The following MYO6 variants were observed in gnomAD, a reference collection of about 807,000 sequenced individuals.
MYO6 encodes the protein myosin VI.
MYO6 carries 74 observed loss-of-function variants against 178.7 expected under a neutral mutation model. The ratio of observed to expected loss-of-function variants is 0.41; its 90% CI spans 0.34 to 0.50. MYO6 has a LOEUF of 0.50. Ranked by LOEUF, MYO6 falls within the 20% of genes least tolerant of loss-of-function variation. The probability of loss-of-function intolerance (pLI) is 0.09; values close to 1 mark genes in which losing one functional copy is unlikely to be tolerated. For synonymous variants in MYO6, 477 were observed against 504.6 expected, an observed-to-expected ratio of 0.95 and a Z score of 0.73; for missense variants, 1,330 against 1,547.4, an observed-to-expected ratio of 0.86 and a Z score of 2.36.
intron 6 of MYO6, among the ~76,000 whole-genome samples, chr6:75,834,184 ACT>A (rs969708502): frequency 6.7e-5 from 10 of 148,800 alleles, no homozygotes; most frequent in African/African-American, 2.5e-4. Context: ...ATTAAATTAA[ACT>A]CTCTGCATTG....
At chr6:75,839,603 T>C (rs759529801) in intron 7 of MYO6, among the ~76,000 whole-genome samples, 1 of 152,168 alleles carries the variant, frequency 6.6e-6, no homozygotes, top group Non-Finnish European at 1.5e-5. Context: ...AACACTAATT[T>C]GGTATGTTTG....
chr6:75,762,843 T>C (rs892631288), intron 1 of MYO6, among the ~76,000 whole-genome samples: 7 of 152,208 alleles, frequency 4.6e-5, no homozygotes, highest in African/African-American at 1.7e-4. Context: ...CTTAAGCAAA[T>C]GTATTCCTGT....
At chr6:75,905,379 C>T (rs960641686) in intron 30 of MYO6, among the ~76,000 whole-genome samples, 12 of 152,338 alleles carry the variant, frequency 7.9e-5, no homozygotes, top group African/African-American at 2.6e-4. Context: ...ACTCCGTGGG[C>T]GTAGGACCCT....
chr6:75,799,402 A>C (rs1443070301), intron 1 of MYO6, among the ~76,000 whole-genome samples: 1 of 152,146 alleles, frequency 6.6e-6, no homozygotes, highest in Non-Finnish European at 1.5e-5. Context: ...AAAAAAAAAA[A>C]AAAAGTATTT....
At chr6:75,781,962 G>A (rs1767031486) in intron 1 of MYO6, among the ~76,000 whole-genome samples, 1 of 150,494 alleles carries the variant, frequency 6.6e-6, no homozygotes, top group Non-Finnish European at 1.5e-5. Flanking sequence ...AATGGGGGGA[G>A]TGGCGTGTCA....
At chr6:75,799,847 C>A (rs1769262131) in intron 1 of MYO6, among the ~76,000 whole-genome samples, 1 of 152,148 alleles carries the variant, frequency 6.6e-6, no homozygotes, top group Non-Finnish European at 1.5e-5. Flanking sequence ...CACTGCTTCT[C>A]TGAGTATTTC....
At chr6:75,777,868 G>T (rs868627137) in intron 1 of MYO6, among the ~76,000 whole-genome samples, 2 of 152,164 alleles carry the variant, frequency 1.3e-5, no homozygotes, top group Non-Finnish European at 2.9e-5. Flanking sequence ...GGCCAAGACC[G>T]TGGGAGACAG....
In MYO6 at chr6:75,915,015, G is replaced by T. The variant is rs1477965407; in HGVS notation, c.*3G>T. ...TGCTGCAGAGTCTGTTAAAGTAGAT[G>T]TTGCACACCAGCCTTACAGCTGGGA... On this transcript the variant is annotated 3_prime_UTR_variant, in exon 35 of 35. Transcript: ENST00000369977. 6.2e-7 allele frequency: 1 copy of T among 1,610,996 alleles called. No homozygotes were observed. The highest frequency in any genetic ancestry group is 1.7e-5 in the Admixed American group (1 of 59,732).
At chr6:75,841,531 A>T (rs1216433612) in intron 9 of MYO6, among the ~76,000 whole-genome samples, 153 bp downstream of exon 9, 1 of 152,002 alleles carries the variant, frequency 6.6e-6, no homozygotes, top group Non-Finnish European at 1.5e-5. Flanking sequence ...TCTAAAAAAA[A>T]AAAATACAAA....
chr6:75,874,705 A>C (rs907950014), intron 20 of MYO6, among the ~76,000 whole-genome samples: 1 of 152,214 alleles, frequency 6.6e-6, no homozygotes, highest in East Asian at 1.9e-4. Flanking sequence ...CCATTTAAAC[A>C]TGCTGAAATC....
intron 20 of MYO6, among the ~76,000 whole-genome samples, chr6:75,879,113 G>A (rs909832658): frequency 1.3e-5 from 2 of 152,008 alleles, no homozygotes; most frequent in African/African-American, 4.8e-5. Flanking sequence ...TTTCTTTCAG[G>A]AATTTTGTTC....
rs771140693 is a variant in MYO6, at chr6:75,890,252, G to A, written c.2854G>A (p.Glu952Lys). 2 of 1,613,582 alleles carry A rather than the reference G, an allele frequency of 1.2e-6. No homozygotes were observed. The highest frequency in any genetic ancestry group is 2.7e-5 in the African/African-American group (2 of 74,922). Residue 952 changes from glutamate to lysine, a missense_variant, in exon 26 of 35, where the codon GAG (glutamate) becomes AAG (lysine). By Grantham distance (56) the Glu-to-Lys change is moderately conservative (BLOSUM62 1). Around this residue, in one of 3 missense-constraint regions of MYO6, gnomAD observed 601 missense variants for 626.1 expected, o/e 0.96. Coordinates refer to ENST00000369977, the MANE Select transcript of MYO6 (RefSeq NM_004999.4). ...EDEKRRRKEE[E>K]ERRMKLEMEA... ...CGAAAAACGTCGAAGAAAGGAAGAG[G>A]AGGAAAGGCGGATGTGAGGCATTTA...
At chr6:75,793,766 G>T (rs528799952) in intron 1 of MYO6, among the ~76,000 whole-genome samples, 1 of 152,006 alleles carries the variant, frequency 6.6e-6, no homozygotes, top group African/African-American at 2.4e-5. Context: ...GAATGTCTAC[G>T]TACATTTATA....
chr6:75,766,832 C>T (rs1026638545), intron 1 of MYO6, among the ~76,000 whole-genome samples: 6 of 152,106 alleles, frequency 3.9e-5, no homozygotes, highest in Admixed American at 1.3e-4. Context: ...AGATTCTGGG[C>T]TTACCTATGT....
chr6:75,756,385 T>G (rs1043174544), intron 1 of MYO6, among the ~76,000 whole-genome samples: 1 of 152,154 alleles, frequency 6.6e-6, no homozygotes, highest in Non-Finnish European at 1.5e-5. Flanking sequence ...CAGGCTGGAG[T>G]GCAGTGGTGC....
chr6:75,794,669 G>A (rs1768598445), intron 1 of MYO6, among the ~76,000 whole-genome samples: 1 of 149,692 alleles, frequency 6.7e-6, no homozygotes, highest in African/African-American at 2.5e-5. Flanking sequence ...GCTGGCAGTA[G>A]TTTCAGAGAG....
intron 9 of MYO6, among the ~76,000 whole-genome samples, chr6:75,842,202 GCA>G (rs375234110): frequency 0.015 from 2,167 of 148,740 alleles, 46 homozygotes; most frequent in East Asian, 0.11. Context: ...ACACACACAT[GCA>G]CACACACACA....
In MYO6 at chr6:75,788,576, TC is replaced by T. The variant is rs201146503; in HGVS notation, c.-47-28923del. Among the ~76,000 whole-genome samples, 1,202 of 152,326 alleles carry T rather than the reference TC, an allele frequency of 7.9e-3. 7 individuals carry two copies. Among genetic ancestry groups the T allele is most frequent in the South Asian group, 0.012 (57 of 4,826 alleles). ...CTGAAGCACCCTGATGGTGGGGATA[TC>T]CGATTCATGTAATGTAATACCAGCT... On this transcript the variant is annotated intron_variant, in intron 1 of 34. Transcript: ENST00000369977.
chr6:75,778,675 A>G (rs1766638360), intron 1 of MYO6, among the ~76,000 whole-genome samples: 1 of 152,092 alleles, frequency 6.6e-6, no homozygotes, highest in Non-Finnish European at 1.5e-5. Context: ...GAACCAGAAT[A>G]TAAGCTAATT....
Sources: gnomAD v4.1 joint callset for allele counts (sites outside exome capture counted in the v4.1 genomes callset) on GRCh38, gnomAD v4.1.1 for gene constraint, gnomAD v4.1.1 regional missense constraint, MANE v1.5 for transcripts, NCBI Gene and HGNC (gene_info 2026-07-23, HGNC 2026-07-21) for gene names.